The following C1orf87 variants were observed in gnomAD, a reference collection of about 807,000 sequenced individuals.
C1orf87 encodes the protein chromosome 1 open reading frame 87, also known as uncharacterized protein C1orf87.
A neutral mutation model predicts 60.5 loss-of-function variants in C1orf87; 58 were observed. The observed-to-expected ratio is 0.96, with a 90% confidence interval of 0.78 to 1.19. The LOEUF (loss-of-function observed/expected upper bound fraction) is 1.19, where lower values mean the gene tolerates loss of function less well. Ranked by LOEUF, C1orf87 falls within the 50% of genes most tolerant of loss-of-function variation. C1orf87 has a pLI of 0.00. For synonymous variants in C1orf87, 236 were observed against 227.4 expected, an observed-to-expected ratio of 1.04 and a Z score of -0.34; for missense variants, 673 against 638.6, an observed-to-expected ratio of 1.05 and a Z score of -0.58.
Position 60,065,340 on chromosome 1 carries a change from G to A in C1orf87, c.107+7197C>T, listed in dbSNP as rs150584846. Among the ~76,000 whole-genome samples the A allele has an allele frequency of 1.4e-4, 22 of 151,810 alleles. No homozygotes were observed. The East Asian group carries it at 3.9e-3, about 27-fold the overall frequency. On this transcript the variant is annotated intron_variant, in intron 2 of 11. Transcript: ENST00000371201. ...GAGTTTAAATCTGGTAGAGCCATAC[G>A]CACACGGAGGAAGGCTGGGCTAGTC...
chr1:59,994,812 G>A (rs1297331424), intron 11 of C1orf87, among the ~76,000 whole-genome samples: 1 of 152,054 alleles, frequency 6.6e-6, no homozygotes. Flanking sequence ...ATATTTCTTT[G>A]CACATAATAA....
At chr1:60,040,647 C>T (rs544070485) in intron 4 of C1orf87, among the ~76,000 whole-genome samples, 37 of 151,914 alleles carry the variant, frequency 2.4e-4, no homozygotes, top group East Asian at 7.7e-4. Context: ...ATGAGGAGTT[C>T]GGTTGAAATT....
chr1:60,053,605 C>T (rs995827426), intron 3 of C1orf87, among the ~76,000 whole-genome samples: 3 of 151,604 alleles, frequency 2.0e-5, no homozygotes. Context: ...GTGAATCAAG[C>T]AGGATAATAA....
rs368686248 is a variant in C1orf87 at position 60,010,495 on chromosome 1, G to A, written c.1128-39C>T. 1.9e-6 allele frequency: 3 copies of A among 1,553,236 alleles called. No homozygotes were observed. The Admixed American group carries it at 5.0e-5, about 26-fold the overall frequency. Reference sequence around the variant, plus strand: ...GGAAACATAAATTGGTGATCAATATGATTGCCCTGAAAGAATGTCCAGTGA... The same window carrying A: ...GGAAACATAAATTGGTGATCAATATAATTGCCCTGAAAGAATGTCCAGTGA... On this transcript the variant is annotated intron_variant, in intron 8 of 11. Coordinates refer to ENST00000371201, the MANE Select transcript of C1orf87 (RefSeq NM_152377.3).
At chr1:60,009,981 C>G (rs1645071661) in intron 9 of C1orf87, among the ~76,000 whole-genome samples, 1 of 150,806 alleles carries the variant, frequency 6.6e-6, no homozygotes, top group Non-Finnish European at 1.5e-5. Flanking sequence ...CCAAAAAAAC[C>G]TATACACTAA....
Position 60,040,181 on chromosome 1 carries a change from C to T in C1orf87, c.484-1G>A, listed in dbSNP as rs769100244. 1.2e-6 allele frequency: 2 copies of T among 1,606,938 alleles called. No individual in the cohort carries two copies. The highest frequency in any genetic ancestry group is 1.7e-6 in the Non-Finnish European group (2 of 1,177,862). On this transcript the variant is annotated splice_acceptor_variant, in intron 4 of 11. Coordinates refer to ENST00000371201, the MANE Select transcript of C1orf87 (RefSeq NM_152377.3). LOFTEE classifies it high-confidence loss of function. Reference sequence around the variant, plus strand: ...TCCCACTTGGGCTCTGGCCAATATCCTAACACAACAATGAAAAACAAAGAG... The same window carrying T: ...TCCCACTTGGGCTCTGGCCAATATCTTAACACAACAATGAAAAACAAAGAG...
chr1:60,047,363 AT>A (rs1318945665), intron 3 of C1orf87, among the ~76,000 whole-genome samples: 6 of 152,254 alleles, frequency 3.9e-5, no homozygotes, highest in Admixed American at 2.0e-4. Context: ...TGCAATTATT[AT>A]TTTTATTGAT....
intron 2 of C1orf87, among the ~76,000 whole-genome samples, chr1:60,069,372 G>C (rs1645569236): frequency 6.6e-6 from 1 of 152,102 alleles, no homozygotes; most frequent in Non-Finnish European, 1.5e-5. Flanking sequence ...TGATGCTGGA[G>C]ATCCATGGAC....
At chr1:60,065,023 A>ATTAAATATATTAT (rs1363452129) in intron 2 of C1orf87, among the ~76,000 whole-genome samples, 1,940 of 92,280 alleles carry the variant, frequency 0.021, 94 homozygotes, top group African/African-American at 0.037. Flanking sequence ...TTAAATATAT[A>ATTAAATATATTAT]TATTTAATAT....
intron 8 of C1orf87, among the ~76,000 whole-genome samples, chr1:60,023,788 G>C (rs1411008575): frequency 6.6e-6 from 1 of 152,080 alleles, no homozygotes; most frequent in East Asian, 1.9e-4. Context: ...TTATGTTCTT[G>C]TTGGCTGGGA....
At chr1:60,018,183 C>T (rs1645136849) in intron 8 of C1orf87, among the ~76,000 whole-genome samples, 2 of 152,190 alleles carry the variant, frequency 1.3e-5, no homozygotes, top group African/African-American at 4.8e-5. Flanking sequence ...GTCTAAATTA[C>T]ATCTTTAATC....
intron 9 of C1orf87, chr1:60,008,582 C>T (rs1401855828): frequency 2.7e-6 from 1 of 366,014 alleles, no homozygotes; most frequent in Non-Finnish European, 5.4e-6. Flanking sequence ...GAAATTTAGA[C>T]CTATAGAGAC....
At chr1:60,067,787 A>G (rs1645558312) in intron 2 of C1orf87, among the ~76,000 whole-genome samples, 1 of 151,794 alleles carries the variant, frequency 6.6e-6, no homozygotes. Flanking sequence ...TTAGTCATGA[A>G]GTCTTTGCCT....
chr1:60,047,086 A>AT, intron 3 of C1orf87, among the ~76,000 whole-genome samples: 1 of 152,324 alleles, frequency 6.6e-6, no homozygotes, highest in East Asian at 1.9e-4. Context: ...GCTTTGCAAA[A>AT]TGGTGAAATT....
In C1orf87 at chr1:60,041,095, G is replaced by C; in HGVS notation, c.379C>G (p.Pro127Ala). 1 of 1,608,020 alleles carries C rather than the reference G, an allele frequency of 6.2e-7. No homozygotes were observed. The highest frequency in any genetic ancestry group is 8.5e-7 in the Non-Finnish European group (1 of 1,175,598). Residue 127 changes from proline to alanine, a missense_variant, in exon 4 of 12, where the codon CCA (proline) becomes GCA (alanine). Coordinates refer to ENST00000371201, the MANE Select transcript of C1orf87 (RefSeq NM_152377.3). ...TAGGATAAGGACTGGTCTCCGGTTG[G>C]TACAGAGCTGCAGTGGACATTTGCT... ...SQANVHCSSV[P>A]TGDQSLSYVH...
At chr1:60,003,952 A>C (rs1645025436) in intron 9 of C1orf87, among the ~76,000 whole-genome samples, 2 of 152,098 alleles carry the variant, frequency 1.3e-5, no homozygotes, top group Admixed American at 1.3e-4. Context: ...GATGGCATCC[A>C]GTTAGGGCGG....
At chr1:60,040,214 C>A in intron 4 of C1orf87, 34 bp from the exon 5 acceptor site, 1 of 1,583,668 alleles carries the variant, frequency 6.3e-7, no homozygotes, top group Non-Finnish European at 8.6e-7. Context: ...GAGCAAGACT[C>A]TTCAATCAGC....
chr1:60,035,982 G>A (rs976655869), intron 6 of C1orf87, among the ~76,000 whole-genome samples: 29 of 152,262 alleles, frequency 1.9e-4, no homozygotes, highest in East Asian at 7.7e-4. Context: ...GACCTTACAC[G>A]CCAGGGATTG....
intron 9 of C1orf87, among the ~76,000 whole-genome samples, chr1:60,007,136 T>C (rs1302003040): frequency 1.3e-5 from 2 of 152,028 alleles, no homozygotes; most frequent in African/African-American, 4.8e-5. Context: ...GGTCTCAAAC[T>C]CCAGGGCTCA....
Sources: allele counts gnomAD v4.1 joint callset (sites outside exome capture counted in the v4.1 genomes callset), GRCh38; gene constraint gnomAD v4.1.1; transcripts MANE v1.5; gene names NCBI Gene and HGNC (gene_info 2026-07-23, HGNC 2026-07-21).